Variants in AARS2 observed in about 807,000 individuals in gnomAD.
The protein encoded by AARS2 is alanine--tRNA ligase, mitochondrial.
In AARS2, 78 loss-of-function variants were observed where a neutral mutation model predicts 119.7. The observed-to-expected ratio is 0.65, with a 90% CI of 0.54 to 0.79. The LOEUF is 0.79. AARS2 is among the 30% of genes least tolerant of loss of function. AARS2 has a pLI of 0.00. For missense variants in AARS2, 1,157 were observed against 1,291.3 expected, an observed-to-expected ratio of 0.90 and a Z score of 1.59; for synonymous variants, 502 against 526.3, an observed-to-expected ratio of 0.95 and a Z score of 0.63.
rs762041655 is a variant in AARS2 at position 44,306,909 on chromosome 6, A to C, written c.1149+14T>G. 2 of 1,612,148 alleles carry C rather than the reference A, an allele frequency of 1.2e-6. No individual in the cohort carries two copies. Among genetic ancestry groups the C allele is most frequent in the Non-Finnish European group, 8.5e-7 (1 of 1,178,262 alleles). On this transcript the variant is annotated intron_variant, in intron 7 of 21. Coordinates refer to ENST00000244571, the MANE Select transcript of AARS2 (RefSeq NM_020745.4). ...CCAGGGAGGCCCAGAGTGAAAAAGA[A>C]GCTCTGTCCTTACCAGTGTCTCCAC... is the stretch of plus-strand genomic sequence containing the variant.
chr6:44,301,974 C>T, intron 19 of AARS2, 86 bp downstream of exon 19: 1 of 1,398,980 alleles, frequency 7.1e-7, no homozygotes, highest in Non-Finnish European at 9.9e-7. Context: ...GCCTCTGACT[C>T]ACCCCCATGC....
At position 44,302,429 on chromosome 6, in the gene AARS2, C is replaced by A; in HGVS notation, c.2449G>T (p.Ala817Ser). The A allele has an allele frequency of 8.1e-6, 13 of 1,614,114 alleles. No individual in the cohort carries two copies. The highest frequency in any genetic ancestry group is 1.1e-5 in the Non-Finnish European group (13 of 1,180,016). ...LSLGSRDVAE[A>S]LRLSKDIGRL... ...CCTATGTCCTTGGACAGCCTCAGTG[C>A]CTCCGCCACATCCCGGCTCCCCAGA... is the stretch of plus-strand genomic sequence containing the variant. Residue 817 changes from alanine (A) to serine (S), a missense_variant, in exon 18 of 22, where the codon GCA becomes TCA. By Grantham distance (99) the Ala-to-Ser change is moderately conservative. Coordinates refer to ENST00000244571, the MANE Select transcript of AARS2 (RefSeq NM_020745.4).
intron 15 of AARS2, 31 bp downstream of exon 15, chr6:44,303,255 G>T (rs371595713): frequency 6.2e-7 from 1 of 1,614,070 alleles, no homozygotes; most frequent in South Asian, 1.1e-5. Context: ...GGAGGCCCCC[G>T]ATCTCCAGCA....
chr6:44,306,186 A>G lies in AARS2; in HGVS notation c.1300+94T>C. On this transcript the variant is annotated intron_variant, in intron 9 of 21. Transcript: ENST00000244571. ...AACATTGGGAAGAGGTCAGGGGTGGATATGAGGCATGGGGCTGGCCCAGAG... is the reference window on the plus strand; with the variant it reads ...AACATTGGGAAGAGGTCAGGGGTGGGTATGAGGCATGGGGCTGGCCCAGAG... 6 of 1,164,574 alleles carry G rather than the reference A, an allele frequency of 5.2e-6. 1 individual carries two copies. The South Asian group carries it at 7.4e-5, about 14-fold the overall frequency. 72.1% of individuals were successfully genotyped at this position (1,164,574 alleles called of 1,614,324 possible). A position where few individuals can be genotyped will look rare whatever the true frequency, so the allele number is the denominator to read the frequency against.
In AARS2 at chr6:44,311,588, C is replaced by T. The variant is rs569390176; in HGVS notation, c.436-53G>A. Reference sequence around the variant, plus strand: ...GGGGGAAGACGGGTGAGAGGGAGACCCCACTGAAGTAATCAAGCCACATGA... The same window carrying T: ...GGGGGAAGACGGGTGAGAGGGAGACTCCACTGAAGTAATCAAGCCACATGA... On this transcript the variant is annotated intron_variant, in intron 2 of 21. Coordinates refer to ENST00000244571, the MANE Select transcript of AARS2 (RefSeq NM_020745.4). The T allele has an allele frequency of 2.8e-5, 44 of 1,599,874 alleles. No individual in the cohort carries two copies. The East Asian group carries it at 9.2e-4, about 33-fold the overall frequency.
Position 44,305,698 on chromosome 6 carries a change from C to T in AARS2, c.1389G>A (p.Gln463=). 1 of 1,614,170 alleles carries T rather than the reference C, an allele frequency of 6.2e-7. No homozygotes were observed. The highest frequency in any genetic ancestry group is 8.5e-7 in the Non-Finnish European group (1 of 1,180,024). The change falls in exon 10 of 22, where the codon CAG becomes CAA. Residue 463 remains glutamine, a synonymous_variant. Transcript: ENST00000244571. The surrounding 1 kb of genome is among the most constrained non-coding windows in gnomAD (Gnocchi z 4.6). ...VELMLEEKGV[Q]LDSAGLERLA... Reference sequence around the variant, plus strand: ...ACCGCTCCAGTCCAGCGGAGTCTAGCTGGACCCCTTTCTCCTCCAGCATCA... The same window carrying T: ...ACCGCTCCAGTCCAGCGGAGTCTAGTTGGACCCCTTTCTCCTCCAGCATCA...
In AARS2 at chr6:44,307,090, G is replaced by T; in HGVS notation, c.1041-59C>A. 1 of 1,600,924 alleles carries T rather than the reference G, an allele frequency of 6.2e-7. No individual in the cohort carries two copies. Among genetic ancestry groups the T allele is most frequent in the South Asian group, 1.1e-5 (1 of 90,474 alleles). ...AGCGGCTCATGGTCAGCAATATGGGGAGTGGGAAGGACGAGGTCCAGTGTG... is the reference window on the plus strand; with the variant it reads ...AGCGGCTCATGGTCAGCAATATGGGTAGTGGGAAGGACGAGGTCCAGTGTG... On this transcript the variant is annotated intron_variant, in intron 6 of 21. Coordinates refer to ENST00000244571, the MANE Select transcript of AARS2 (RefSeq NM_020745.4). The surrounding 1 kb of genome is among the most constrained non-coding windows in gnomAD (Gnocchi z 4.4).
chr6:44,298,988 T>C lies in AARS2; in HGVS notation c.*1559A>G, dbSNP rs1785140819. On this transcript the variant is annotated 3_prime_UTR_variant, in exon 22 of 22. Coordinates refer to ENST00000244571, the MANE Select transcript of AARS2 (RefSeq NM_020745.4). ...GCAGGTGCTGTACAACTTGTTTTAA[T>C]AAGCATATTGTTTGTCTGACCCCGC... Among the ~76,000 whole-genome samples, 1 of 152,214 alleles carries C rather than the reference T, an allele frequency of 6.6e-6. No individual in the cohort carries two copies. The highest frequency in any genetic ancestry group is 2.4e-5 in the African/African-American group (1 of 41,462).
At position 44,311,449 on chromosome 6, in the gene AARS2, A is replaced by G; in HGVS notation, c.522T>C (p.Gly174=). The G allele has an allele frequency of 6.2e-7, 1 of 1,614,114 alleles. No homozygotes were observed. Among genetic ancestry groups the G allele is most frequent in the Admixed American group, 1.7e-5 (1 of 60,000 alleles). Residue 174 remains glycine (G), a synonymous_variant, in exon 3 of 22, where the codon GGT becomes GGC. Transcript: ENST00000244571. ...EERLWISYFD[G]DPKAGLDPDL... ...CTGGGTCCAGCCCTGCCTTGGGGTC[A>G]CCATCAAAGTAGGAGATCCAGAGCC...
At chr6:44,302,367 T>C (rs775935604) in intron 18 of AARS2, 24 bp downstream of exon 18, 1 of 1,613,264 alleles carries the variant, frequency 6.2e-7, no homozygotes, top group Non-Finnish European at 8.5e-7. Flanking sequence ...TAGGAGAGGG[T>C]GGGGTGGTAG....
In AARS2 at chr6:44,304,783, C is replaced by T; in HGVS notation, c.1614G>A (p.Leu538=). Residue 538 remains leucine, a synonymous_variant, in exon 12 of 22, where the codon CTG becomes CTA. Transcript: ENST00000244571. Reference sequence around the variant, plus strand: ...CCACTGCTGTCCCGTCCTCTGTATACAGTTGCAACACCTGGGCCTCACAGG... The same window carrying T: ...CCACTGCTGTCCCGTCCTCTGTATATAGTTGCAACACCTGGGCCTCACAGG... The part of the protein sequence containing the change: ...FGTCEAQVLQ[L]YTEDGTAVAS... The T allele has an allele frequency of 2.5e-6, 4 of 1,614,230 alleles. No individual in the cohort carries two copies. Among genetic ancestry groups the T allele is most frequent in the Non-Finnish European group, 3.4e-6 (4 of 1,180,040 alleles).
chr6:44,300,829 A>C, intron 21 of AARS2, 118 bp from the exon 22 acceptor site: 1 of 1,296,176 alleles, frequency 7.7e-7, no homozygotes, highest in African/African-American at 1.5e-5. Context: ...AGCTGGGCAC[A>C]TGGTGGGGCA....
chr6:44,308,251 C>T (rs146049631), intron 5 of AARS2, among the ~76,000 whole-genome samples: 4 of 152,132 alleles, frequency 2.6e-5, no homozygotes, highest in African/African-American at 7.2e-5. Flanking sequence ...TAAAAGTGTA[C>T]ATCAGGCTGG....
Position 44,304,036 on chromosome 6 carries a change from A to T in AARS2, c.2007+145T>A, listed in dbSNP as rs1241604168. 5 of 1,209,804 alleles carry T rather than the reference A, an allele frequency of 4.1e-6. No homozygotes were observed. In the South Asian group the frequency reaches 6.4e-5, roughly 16 times the overall value. The allele number at this position is 1,209,804 out of a possible 1,614,324, so 74.9% of individuals were successfully genotyped here. On this transcript the variant is annotated intron_variant, in intron 14 of 21. Transcript: ENST00000244571. Reference sequence around the variant, plus strand: ...CTGCTGCACAAGGAGCCCAAGGGGAAAGGACTTGCCCAGGGTCCCATAGTG... The same window carrying T: ...CTGCTGCACAAGGAGCCCAAGGGGATAGGACTTGCCCAGGGTCCCATAGTG...
chr6:44,302,426 G>T lies in AARS2; in HGVS notation c.2452C>A (p.Leu818Met). The change falls in exon 18 of 22, where the codon CTG becomes ATG. Residue 818 changes from leucine to methionine, a missense_variant. Physicochemically the swap from Leu to Met is conservative, Grantham distance 15. Transcript: ENST00000244571. ...CGTCCTATGTCCTTGGACAGCCTCA[G>T]TGCCTCCGCCACATCCCGGCTCCCC... The part of the protein sequence containing the change: ...SLGSRDVAEA[L>M]RLSKDIGRLI... 1 of 1,614,142 alleles carries T rather than the reference G, an allele frequency of 6.2e-7. No homozygotes were observed. The highest frequency in any genetic ancestry group is 1.3e-5 in the African/African-American group (1 of 75,028).
rs1786004284 is a variant in AARS2 at position 44,307,904 on chromosome 6, A to C, written c.895-510T>G. On this transcript the variant is annotated intron_variant, in intron 5 of 21. Coordinates refer to ENST00000244571, the MANE Select transcript of AARS2 (RefSeq NM_020745.4). This position sits in a 1 kb window ranked among gnomAD's most constrained non-coding sequence, Gnocchi z 4.4. ...TAAGCTACATACACGGAAATGCTCC[A>C]AAGCAGGGAGCTTGATTCACTTACC... Among the ~76,000 whole-genome samples the C allele has an allele frequency of 6.6e-6, 1 of 152,162 alleles. No individual in the cohort carries two copies. The highest frequency in any genetic ancestry group is 2.4e-5 in the African/African-American group (1 of 41,432).
chr6:44,308,038 G>A (rs753537236), intron 5 of AARS2, among the ~76,000 whole-genome samples: 22 of 152,092 alleles, frequency 1.4e-4, no homozygotes, highest in Non-Finnish European at 3.1e-4. Context: ...TCCCCTACCC[G>A]TCATGATCCA....
rs1561941287 is a variant in AARS2 at position 44,307,248 on chromosome 6, C to T, written c.1040+1G>A. ...CCTCTCTGTAGCCCTTCCAGACTCA[C>T]GGGGGACCTGACATCCCAGGGAAGA... On this transcript the variant is annotated splice_donor_variant, in intron 6 of 21. Coordinates refer to ENST00000244571, the MANE Select transcript of AARS2 (RefSeq NM_020745.4). LOFTEE classifies it high-confidence loss of function. This position sits in a 1 kb window ranked among gnomAD's most constrained non-coding sequence, Gnocchi z 4.4. 10 of 1,613,956 alleles carry T rather than the reference C, an allele frequency of 6.2e-6. No individual in the cohort carries two copies. The highest frequency in any genetic ancestry group is 4.0e-5 in the African/African-American group (3 of 75,040).
rs986489895 is a variant in AARS2, at chr6:44,300,395, T to A, written c.*152A>T. 9.2e-7 allele frequency: 1 copy of A among 1,085,530 alleles called. No homozygotes were observed. The highest frequency in any genetic ancestry group is 1.8e-5 in the Admixed American group (1 of 56,146). 67.2% of individuals were successfully genotyped at this position (1,085,530 alleles called of 1,614,324 possible). On this transcript the variant is annotated 3_prime_UTR_variant, in exon 22 of 22. Transcript: ENST00000244571. ...CTTCCCTAGCCCATGTCTCCTTGTG[T>A]CACGTAGGCCCTGGCCCAGGTGATC...
Sources: gnomAD v4.1 joint callset for allele counts (sites outside exome capture counted in the v4.1 genomes callset) on GRCh38, gnomAD v4.1.1 for gene constraint, Gnocchi (gnomAD v3.1) non-coding constraint, MANE v1.5 for transcripts, NCBI Gene and HGNC (gene_info 2026-07-23, HGNC 2026-07-21) for gene names.